Variants in FMN2 observed in about 807,000 individuals in gnomAD.
FMN2 encodes formin-2.
A neutral mutation model predicts 142.3 loss-of-function variants in FMN2; 51 were observed. That is an observed-to-expected ratio of 0.36 (90% CI 0.29 to 0.45). FMN2 has a LOEUF of 0.45. FMN2 is among the 20% of genes least tolerant of loss of function. The probability of loss-of-function intolerance (pLI) is 1.00; values close to 1 mark genes in which losing one functional copy is unlikely to be tolerated. For missense variants in FMN2, 1,936 were observed against 2,122.8 expected, an observed-to-expected ratio of 0.91 and a Z score of 1.73; for synonymous variants, 882 against 869.8, an observed-to-expected ratio of 1.01 and a Z score of -0.25.
intron 8 of FMN2, among the ~76,000 whole-genome samples, chr1:240,311,631 G>A (rs1670608718): frequency 6.6e-6 from 1 of 151,858 alleles, no homozygotes; most frequent in Admixed American, 6.6e-5. Flanking sequence ...TTTCTTTCTT[G>A]TTAATCTAAG....
At chr1:240,100,823 A>G (rs538631388) in intron 1 of FMN2, among the ~76,000 whole-genome samples, 4 of 152,312 alleles carry the variant, frequency 2.6e-5, no homozygotes, top group Non-Finnish European at 4.4e-5. Context: ...AAACAGTCCT[A>G]TTGTTTTCAG....
At chr1:240,229,085 A>G (rs947173274) in intron 6 of FMN2, among the ~76,000 whole-genome samples, 4 of 151,886 alleles carry the variant, frequency 2.6e-5, no homozygotes, top group South Asian at 2.1e-4. Context: ...TGCTGTGTTT[A>G]TGAAGATTAC....
At chr1:240,466,963 C>A (rs74149140) in intron 16 of FMN2, among the ~76,000 whole-genome samples, 8,625 of 152,204 alleles carry the variant, frequency 0.057, 799 homozygotes, top group African/African-American at 0.2. Context: ...CTACTGCTCT[C>A]ATTAATTAGC....
intron 16 of FMN2, among the ~76,000 whole-genome samples, chr1:240,442,089 C>T (rs1558109250): frequency 6.6e-6 from 1 of 152,158 alleles, no homozygotes; most frequent in Non-Finnish European, 1.5e-5. Context: ...GTACCTGTCC[C>T]TTCCGTGATC....
chr1:240,220,667 T>TGTGTGTGTGTG (rs1558375225), intron 6 of FMN2, among the ~76,000 whole-genome samples: 3 of 149,094 alleles, frequency 2.0e-5, no homozygotes, highest in Non-Finnish European at 4.5e-5. Flanking sequence ...GAGTCTGTGT[T>TGTGTGTGTGTG]TGTGTGTGTG....
At chr1:240,154,129 A>AAAAAAAAAAAAAAAAAAAAAAAAAAAAAG in intron 2 of FMN2, among the ~76,000 whole-genome samples, 1 of 102,154 alleles carries the variant, frequency 9.8e-6, no homozygotes, top group Non-Finnish European at 2.0e-5. Flanking sequence ...AAAAAAAAAA[A>AAAAAAAAAAAAAAAAAAAAAAAAAAAAAG]AAGTGTTACT....
intron 7 of FMN2, among the ~76,000 whole-genome samples, chr1:240,264,843 GT>G (rs1319243168): frequency 6.6e-6 from 1 of 152,020 alleles, no homozygotes; most frequent in Non-Finnish European, 1.5e-5. Flanking sequence ...TTAGCTATTG[GT>G]TTGAACTTTG....
chr1:240,098,097 A>ATTTTTTTTTTTTTGTTTT (rs1661278898), intron 1 of FMN2, among the ~76,000 whole-genome samples: 1 of 98,690 alleles, frequency 1.0e-5, no homozygotes, highest in Non-Finnish European at 1.9e-5. Flanking sequence ...GTTATCTTGA[A>ATTTTTTTTTTTTTGTTTT]TTTTTTTTTT....
intron 6 of FMN2, among the ~76,000 whole-genome samples, chr1:240,236,749 C>A (rs1667725867): frequency 6.6e-6 from 1 of 152,156 alleles, no homozygotes. Context: ...ATGAGGAGGG[C>A]ACAAAGCCAT....
intron 8 of FMN2, among the ~76,000 whole-genome samples, chr1:240,307,601 T>C (rs1294950650): frequency 6.6e-6 from 1 of 152,224 alleles, no homozygotes; most frequent in African/African-American, 2.4e-5. Flanking sequence ...TCCATTGATC[T>C]GTATGTCTAT....
At chr1:240,437,001 C>A (rs1675396341) in intron 15 of FMN2, among the ~76,000 whole-genome samples, 1 of 152,180 alleles carries the variant, frequency 6.6e-6, no homozygotes, top group African/African-American at 2.4e-5. Context: ...AGTTCTCTTG[C>A]CACGCGTTAT....
At chr1:240,115,210 T>C (rs1571940949) in intron 1 of FMN2, among the ~76,000 whole-genome samples, 2 of 152,364 alleles carry the variant, frequency 1.3e-5, no homozygotes, top group South Asian at 4.1e-4. Context: ...AGCATGGCTT[T>C]TAATGGCTGT....
chr1:240,462,273 C>G lies in FMN2; in HGVS notation c.5061-10099C>G, dbSNP rs111295213. On this transcript the variant is annotated intron_variant, in intron 16 of 17. Coordinates refer to ENST00000319653, the MANE Select transcript of FMN2 (RefSeq NM_020066.5). Reference sequence around the variant, plus strand: ...AGGTTGACATGATTTCTTGCTGTATCCTTACAGTCTCCTAATGGTCATGTA... The same window carrying G: ...AGGTTGACATGATTTCTTGCTGTATGCTTACAGTCTCCTAATGGTCATGTA... Among the ~76,000 whole-genome samples the G allele has an allele frequency of 3.4e-3, 516 of 152,168 alleles. 6 individuals are homozygous for G. The highest frequency in any genetic ancestry group is 0.012 in the African/African-American group (485 of 41,494).
chr1:240,355,628 C>T (rs1472636054), intron 13 of FMN2, among the ~76,000 whole-genome samples, 188 bp from the exon 14 acceptor site: 1 of 152,030 alleles, frequency 6.6e-6, no homozygotes, highest in African/African-American at 2.4e-5. Flanking sequence ...CTTTTTACAG[C>T]CCTCTAAAAG....
rs1413905265 is a variant in FMN2, at chr1:240,171,269, G to A, written c.1783-6652G>A. 6.7e-6 allele frequency: 5 copies of A among 750,112 alleles called. No homozygotes were observed. In the African/African-American group the frequency reaches 6.9e-5, roughly 10 times the overall value. The allele number at this position is 750,112 out of a possible 1,614,324, so 46.5% of individuals were successfully genotyped here. A position where few individuals can be genotyped will look rare whatever the true frequency, so the allele number is the denominator to read the frequency against. ...TTTGAACTGTTGCATTCTGGAAAAA[G>A]CATTCGAACTGTTGTGAAGATTTAA... is the stretch of plus-strand genomic sequence containing the variant. On this transcript the variant is annotated intron_variant, in intron 2 of 17. Transcript: ENST00000319653.
chr1:240,363,860 C>G (rs1672573441), intron 14 of FMN2, among the ~76,000 whole-genome samples: 1 of 152,008 alleles, frequency 6.6e-6, no homozygotes, highest in African/African-American at 2.4e-5. Flanking sequence ...CTCAGGTGTC[C>G]CCATGCTGGT....
At chr1:240,183,575 G>A (rs770713867) in intron 3 of FMN2, among the ~76,000 whole-genome samples, 1 of 151,010 alleles carries the variant, frequency 6.6e-6, no homozygotes, top group Non-Finnish European at 1.5e-5. Context: ...ACACACACAT[G>A]CCTACATATA....
At chr1:240,241,416 T>G (rs897455224) in intron 6 of FMN2, among the ~76,000 whole-genome samples, 1 of 152,180 alleles carries the variant, frequency 6.6e-6, no homozygotes, top group Non-Finnish European at 1.5e-5. Context: ...ATTCCTGTGC[T>G]GTATTTAGTG....
At chr1:240,277,694 G>A (rs1017813959) in intron 7 of FMN2, among the ~76,000 whole-genome samples, 2 of 151,452 alleles carry the variant, frequency 1.3e-5, no homozygotes, top group Non-Finnish European at 1.5e-5. Flanking sequence ...CACCATGCCC[G>A]GCTAATTTTT....
Sources: gnomAD v4.1 joint callset for allele counts (sites outside exome capture counted in the v4.1 genomes callset) on GRCh38, gnomAD v4.1.1 for gene constraint, MANE v1.5 for transcripts, NCBI Gene and HGNC (gene_info 2026-07-23, HGNC 2026-07-21) for gene names.